ADARB2: variants seen among roughly 807,000 people sequenced by gnomAD.
ADARB2 encodes the protein inactive double-stranded RNA-specific editase B2.
Under a neutral mutation model 62.2 loss-of-function variants are expected in ADARB2, and 25 were observed. That is an observed-to-expected ratio of 0.40 (90% confidence interval 0.29 to 0.56). The LOEUF (loss-of-function observed/expected upper bound fraction) is 0.56, where lower values mean the gene tolerates loss of function less well. Ranked by LOEUF, ADARB2 falls within the 20% of genes least tolerant of loss-of-function variation. The pLI is 0.43. For missense variants in ADARB2, 1,071 were observed against 1,077.4 expected (o/e 0.99, Z 0.08); for synonymous variants, 572 against 500.8 (o/e 1.14, Z -1.90).
intron 1 of ADARB2, among the ~76,000 whole-genome samples, chr10:1,678,973 A>G (rs1834502766): frequency 6.6e-6 from 1 of 152,204 alleles, no homozygotes; most frequent in Admixed American, 6.5e-5. Context: ...ATTCAGGCCA[A>G]TGCCCACTGG....
chr10:1,241,289 G>T (rs1404220163), intron 5 of ADARB2, among the ~76,000 whole-genome samples: 1 of 152,204 alleles, frequency 6.6e-6, no homozygotes, highest in Non-Finnish European at 1.5e-5. Context: ...GTGTGTTAAG[G>T]TGTTGTTTTC....
At chr10:1,422,795 C>T (rs1045444671) in intron 1 of ADARB2, among the ~76,000 whole-genome samples, 21 of 152,338 alleles carry the variant, frequency 1.4e-4, no homozygotes, top group African/African-American at 3.1e-4. Context: ...ACTGGGCTTT[C>T]GGCCTGCGGC....
At chr10:1,708,675 T>G (rs1156763428) in intron 1 of ADARB2, among the ~76,000 whole-genome samples, 1 of 152,190 alleles carries the variant, frequency 6.6e-6, no homozygotes, top group Non-Finnish European at 1.5e-5. Flanking sequence ...CAATATCATT[T>G]TAGGGCAAGA....
At chr10:1,404,637 C>G (rs12773910) in intron 1 of ADARB2, among the ~76,000 whole-genome samples, 17,175 of 152,186 alleles carry the variant, frequency 0.11, 1,053 homozygotes, top group South Asian at 0.21. Flanking sequence ...TTCAGCAAAA[C>G]CTCTCCTCTC....
chr10:1,698,292 G>A (rs893554747), intron 1 of ADARB2, among the ~76,000 whole-genome samples: 2 of 152,156 alleles, frequency 1.3e-5, no homozygotes, highest in African/African-American at 2.4e-5. Flanking sequence ...TGCGGGACAC[G>A]GAACATTGCC....
intron 1 of ADARB2, among the ~76,000 whole-genome samples, chr10:1,463,500 G>A (rs1013624233): frequency 5.3e-5 from 8 of 152,210 alleles, no homozygotes; most frequent in African/African-American, 1.9e-4. Flanking sequence ...GGCTTAAGAA[G>A]CGCGCGTATT....
At chr10:1,514,935 G>A (rs926003780) in intron 1 of ADARB2, among the ~76,000 whole-genome samples, 4 of 151,924 alleles carry the variant, frequency 2.6e-5, no homozygotes, top group African/African-American at 7.3e-5. Context: ...GTGAATTCTC[G>A]TCATGACCAC....
At chr10:1,272,287 T>G (rs1421179325) in intron 3 of ADARB2, among the ~76,000 whole-genome samples, 3 of 152,174 alleles carry the variant, frequency 2.0e-5, no homozygotes, top group Non-Finnish European at 2.9e-5. Flanking sequence ...TTTCCACATT[T>G]CCACCGGGCG....
Position 1,184,883 on chromosome 10 carries a change from C to G in ADARB2, c.2021G>C (p.Arg674Pro). The change falls in exon 9 of 10, where the codon CGG becomes CCG. Residue 674 changes from arginine (R) to proline (P), a missense_variant. Transcript: ENST00000381312. Reference protein sequence around the residue: ...SRLCKHVLSARWARLYGRLST... With the variant: ...SRLCKHVLSAPWARLYGRLST... ...TACCCTGCCATACAGCCGCGCCCAC[C>G]GTGCAGACAGCACGTGCTTGCAGAG... 6.2e-7 allele frequency: 1 copy of G among 1,613,628 alleles called. No individual in the cohort carries two copies. The highest frequency in any genetic ancestry group is 8.5e-7 in the Non-Finnish European group (1 of 1,179,960).
At chr10:1,260,258 C>A (rs890972525) in intron 4 of ADARB2, among the ~76,000 whole-genome samples, 43 of 152,178 alleles carry the variant, frequency 2.8e-4, no homozygotes, top group Non-Finnish European at 5.3e-4. Flanking sequence ...GGGATGCCCT[C>A]TCTCACCACT....
At chr10:1,246,111 T>C (rs1830984218) in intron 4 of ADARB2, among the ~76,000 whole-genome samples, 1 of 152,076 alleles carries the variant, frequency 6.6e-6, no homozygotes, top group Non-Finnish European at 1.5e-5. Flanking sequence ...TTTTTTCATG[T>C]GTCTTTTGGC....
At chr10:1,596,783 G>A (rs984399439) in intron 1 of ADARB2, among the ~76,000 whole-genome samples, 2 of 152,248 alleles carry the variant, frequency 1.3e-5, no homozygotes, top group African/African-American at 4.8e-5. Flanking sequence ...TAGTGGGGAA[G>A]ATGGCAATGT....
chr10:1,188,237 G>C (rs1323694591), intron 8 of ADARB2: 2 of 152,306 alleles, frequency 1.3e-5, no homozygotes, highest in Non-Finnish European at 2.9e-5. Flanking sequence ...GGAGCACCCA[G>C]GCTATGAATG....
chr10:1,641,590 G>A (rs1052242990), intron 1 of ADARB2, among the ~76,000 whole-genome samples: 4 of 152,194 alleles, frequency 2.6e-5, no homozygotes, highest in Non-Finnish European at 5.9e-5. Context: ...GTTTCACTGC[G>A]TCTTTGCTGC....
chr10:1,179,612 C>T lies in ADARB2; in HGVS notation c.*3581G>A, dbSNP rs1050807590. 2.1e-4 allele frequency: 32 copies of T among 152,302 alleles called. 1 individual carries two copies. The highest frequency in any genetic ancestry group is 7.0e-4 in the African/African-American group (29 of 41,554). 9.4% of individuals were successfully genotyped at this position (152,302 alleles called of 1,614,324 possible). ...CTAACTTTTTGACTAAGAACCAGGC[C>T]GGAAACCACATTGCTGATCTTCCTG... On this transcript the variant is annotated 3_prime_UTR_variant, in exon 10 of 10. Coordinates refer to ENST00000381312, the MANE Select transcript of ADARB2 (RefSeq NM_018702.4).
At chr10:1,716,013 C>T (rs1286185895) in intron 1 of ADARB2, among the ~76,000 whole-genome samples, 2 of 152,230 alleles carry the variant, frequency 1.3e-5, no homozygotes, top group African/African-American at 2.4e-5. Flanking sequence ...CACTCCCCTC[C>T]CGCCCGCTGA....
chr10:1,551,774 C>T (rs564578110), intron 1 of ADARB2, among the ~76,000 whole-genome samples: 252 of 152,298 alleles, frequency 1.7e-3, no homozygotes, highest in African/African-American at 5.9e-3. Context: ...ATGGCCAAAT[C>T]GAAGGTCCTG....
intron 1 of ADARB2, among the ~76,000 whole-genome samples, chr10:1,405,308 C>A (rs1467861293): frequency 6.6e-6 from 1 of 152,208 alleles, no homozygotes; most frequent in Admixed American, 6.5e-5. Flanking sequence ...GAGCTACCTA[C>A]AATTACTCTC....
intron 1 of ADARB2, among the ~76,000 whole-genome samples, chr10:1,458,322 GCC>G (rs899285377): frequency 8.9e-4 from 135 of 152,214 alleles, no homozygotes; most frequent in African/African-American, 3.1e-3. Context: ...CTAATGAGCT[GCC>G]AGGAGAAGAA....
Sources: gnomAD v4.1 joint callset for allele counts (sites outside exome capture counted in the v4.1 genomes callset) on GRCh38, gnomAD v4.1.1 for gene constraint, MANE v1.5 for transcripts, NCBI Gene and HGNC (gene_info 2026-07-23, HGNC 2026-07-21) for gene names.